Variants in GCC2 observed in about 807,000 individuals in gnomAD.
GCC2 encodes GRIP and coiled-coil domain containing 2.
GCC2 carries 120 observed loss-of-function variants against 210.6 expected under a neutral mutation model. That is an observed-to-expected ratio of 0.57 (90% CI 0.49 to 0.66). GCC2 has a LOEUF of 0.66. Among genes scored for constraint, GCC2 ranks in the 30% least tolerant of loss-of-function variants. GCC2 has a pLI of 0.00. For missense variants in GCC2, 1,868 were observed against 1,871.9 expected (o/e 1.00, Z 0.04); for synonymous variants, 703 against 652.7 (o/e 1.08, Z -1.17).
intron 4 of GCC2, among the ~76,000 whole-genome samples, chr2:108,457,217 A>G (rs1481026723): frequency 1.3e-5 from 2 of 152,030 alleles, no homozygotes; most frequent in African/African-American, 2.4e-5. Flanking sequence ...AGTTACCTGG[A>G]TTTCCTGGCA....
intron 21 of GCC2, among the ~76,000 whole-genome samples, chr2:108,498,358 G>C (rs891724612): frequency 1.2e-4 from 18 of 151,258 alleles, no homozygotes; most frequent in African/African-American, 4.1e-4. Flanking sequence ...ACCATGCCCG[G>C]CTAATTTTTT....
chr2:108,453,574 C>T (rs1255704974), intron 4 of GCC2, among the ~76,000 whole-genome samples: 1 of 152,104 alleles, frequency 6.6e-6, no homozygotes. Flanking sequence ...CACTTGAGGT[C>T]AGGAGTTTGA....
intron 17 of GCC2, among the ~76,000 whole-genome samples, 178 bp downstream of exon 17, chr2:108,487,998 C>T (rs550425179): frequency 8.6e-5 from 13 of 150,956 alleles, no homozygotes; most frequent in Non-Finnish European, 1.8e-4. Flanking sequence ...CTTCGCTTCC[C>T]GGGTTCAAGG....
Position 108,456,689 on chromosome 2 carries a change from G to T in GCC2, c.216+4223G>T, listed in dbSNP as rs550749936. On this transcript the variant is annotated intron_variant, in intron 4 of 22. Coordinates refer to ENST00000309863, the MANE Select transcript of GCC2 (RefSeq NM_181453.4). ...TCTTTTGCTATGCAGAAGCTTTTTAGCCTATAATCTCAGCATTAAGGGAAG... is the reference window on the plus strand; with the variant it reads ...TCTTTTGCTATGCAGAAGCTTTTTATCCTATAATCTCAGCATTAAGGGAAG... 9.2e-5 allele frequency among the ~76,000 whole-genome samples: 14 copies of T among 152,142 alleles called. No individual in the cohort carries two copies. In the South Asian group the frequency reaches 2.9e-3, roughly 32 times the overall value.
Position 108,509,282 on chromosome 2 carries a change from A to C in GCC2, c.*1652A>C, listed in dbSNP as rs2099607. 3.3e-5 allele frequency: 5 copies of C among 152,520 alleles called. No homozygotes were observed. The highest frequency in any genetic ancestry group is 2.6e-4 in the Admixed American group (4 of 15,252). The allele number at this position is 152,520 out of a possible 1,614,324, so 9.4% of individuals were successfully genotyped here. A position where few individuals can be genotyped will look rare whatever the true frequency, so the allele number is the denominator to read the frequency against. On this transcript the variant is annotated 3_prime_UTR_variant, in exon 23 of 23. Transcript: ENST00000309863. ...TGCTTACGAATGTCATAACAAAATA[A>C]TTTTTTGCATGATAAAAAATTACTT...
intron 4 of GCC2, among the ~76,000 whole-genome samples, chr2:108,457,126 TAA>T (rs763753266): frequency 1.9e-4 from 28 of 150,396 alleles, no homozygotes; most frequent in Non-Finnish European, 3.4e-4. Flanking sequence ...TTATATAATA[TAA>T]GTCTTTAATC....
At chr2:108,452,691 C>CTTTTTTTTTTTTTTT (rs34444254) in intron 4 of GCC2, among the ~76,000 whole-genome samples, 2 of 99,438 alleles carry the variant, frequency 2.0e-5, no homozygotes, top group African/African-American at 7.9e-5. Context: ...TTTTTTCTTT[C>CTTTTTTTTTTTTTTT]TTTTTTTTTT....
intron 9 of GCC2, among the ~76,000 whole-genome samples, chr2:108,476,098 T>A (rs1681509321): frequency 7.4e-6 from 1 of 135,450 alleles, no homozygotes; most frequent in Non-Finnish European, 1.6e-5. Flanking sequence ...TCTCTCTCTC[T>A]CGCCCAGGCT....
Position 108,470,870 on chromosome 2 carries a change from C to T in GCC2, c.1541C>T (p.Ser514Phe). Residue 514 changes from serine (S) to phenylalanine (F), a missense_variant, in exon 6 of 23, where the codon TCT becomes TTT. Ser to Phe is a radical substitution (Grantham distance 155). Around this residue, in one of 3 missense-constraint regions of GCC2, gnomAD observed 1,847 missense variants for 1,765.2 expected, o/e 1.05. Coordinates refer to ENST00000309863, the MANE Select transcript of GCC2 (RefSeq NM_181453.4). ...EFESMKQQQA[S>F]DVHELQQKLR... ...GAATCAATGAAGCAACAGCAAGCAT[C>T]TGATGTTCATGAACTGCAGCAGAAG... 1 of 1,613,712 alleles carries T rather than the reference C, an allele frequency of 6.2e-7. No individual in the cohort carries two copies.
rs1680825989 is a variant in GCC2, at chr2:108,465,367, A to G, written c.217-3613A>G. Among the ~76,000 whole-genome samples the G allele has an allele frequency of 1.3e-5, 2 of 152,118 alleles. 1 individual carries two copies. The highest frequency in any genetic ancestry group is 1.3e-4 in the Admixed American group (2 of 15,278). On this transcript the variant is annotated intron_variant, in intron 4 of 22. Transcript: ENST00000309863. ...TGATTTTTTGAAAACTTTTTATTTC[A>G]ATAGCTTTTGGGGTACAAGAGGTTT...
rs149070749 is a variant in GCC2 at position 108,470,071 on chromosome 2, C to G, written c.742C>G (p.His248Asp). 1.1e-5 allele frequency: 18 copies of G among 1,613,550 alleles called. No homozygotes were observed. Among genetic ancestry groups the G allele is most frequent in the Non-Finnish European group, 1.5e-5 (18 of 1,179,756 alleles). ...AGAGCTTTTACAGTTGAAAGCTATA[C>G]ACCAAGAAGAGGTGAAAGAGTTGAT... ...QEELLQLKAI[H>D]QEEVKELMCQ... Residue 248 changes from histidine (H) to aspartate (D), a missense_variant, in exon 6 of 23, where the codon CAC (histidine) becomes GAC (aspartate). By Grantham distance (81) the His-to-Asp change is moderately conservative (BLOSUM62 -1). Around this residue, in one of 3 missense-constraint regions of GCC2, gnomAD observed 1,847 missense variants for 1,765.2 expected, o/e 1.05. Transcript: ENST00000309863.
At chr2:108,489,034 TC>T (rs995778572) in intron 17 of GCC2, among the ~76,000 whole-genome samples, 1 of 152,208 alleles carries the variant, frequency 6.6e-6, no homozygotes, top group Non-Finnish European at 1.5e-5. Context: ...CCTTCTACTT[TC>T]TTATAATATA....
intron 4 of GCC2, among the ~76,000 whole-genome samples, chr2:108,462,288 C>T (rs1299963090): frequency 6.8e-6 from 1 of 147,280 alleles, no homozygotes; most frequent in Non-Finnish European, 1.5e-5. Context: ...GTCAGGAGAT[C>T]GACACCACCC....
intron 22 of GCC2, among the ~76,000 whole-genome samples, chr2:108,500,800 A>C (rs1682886063): frequency 6.6e-6 from 1 of 152,200 alleles, no homozygotes; most frequent in South Asian, 2.1e-4. Flanking sequence ...TGGCGTAAAT[A>C]GGGGAGAGTT....
chr2:108,455,852 A>G (rs1680247841), intron 4 of GCC2, among the ~76,000 whole-genome samples: 1 of 152,126 alleles, frequency 6.6e-6, no homozygotes, highest in African/African-American at 2.4e-5. Flanking sequence ...TGTATTTGCT[A>G]TTGTGAGTAG....
At position 108,470,886 on chromosome 2, in the gene GCC2, G is replaced by T. The variant is rs528729535; in HGVS notation, c.1557G>T (p.Leu519=). The T allele has an allele frequency of 6.2e-7, 1 of 1,613,610 alleles. No homozygotes were observed. The highest frequency in any genetic ancestry group is 2.2e-5 in the East Asian group (1 of 44,872). Residue 519 remains leucine, a synonymous_variant, in exon 6 of 23, where the codon CTG becomes CTT. Transcript: ENST00000309863. ...AGCAAGCATCTGATGTTCATGAACT[G>T]CAGCAGAAGCTCAGAACTGCTTTTA... The part of the protein sequence containing the change: ...KQQQASDVHE[L]QQKLRTAFTE...
intron 19 of GCC2, chr2:108,494,930 G>C (rs1320680480): frequency 1.3e-5 from 2 of 157,522 alleles, no homozygotes; most frequent in Non-Finnish European, 2.8e-5. Flanking sequence ...CTCTGCCTCA[G>C]CCTCCCCAGC....
chr2:108,485,691 A>G lies in GCC2; in HGVS notation c.3669A>G (p.Gln1223=). 2 of 1,599,346 alleles carry G rather than the reference A, an allele frequency of 1.3e-6. No homozygotes were observed. The highest frequency in any genetic ancestry group is 8.5e-7 in the Non-Finnish European group (1 of 1,174,246). The change falls in exon 14 of 23, where the codon CAA becomes CAG. Residue 1223 remains glutamine, a synonymous_variant. Transcript: ENST00000309863. ...AAGAAAAAAACACCAAAATCAAGCA[A>G]TTGCTTGTGAAAACCAAAAAGGAAC... ...QYEEKNTKIK[Q]LLVKTKKELA...
At chr2:108,467,651 G>T (rs2577606) in intron 4 of GCC2, among the ~76,000 whole-genome samples, 33,979 of 151,934 alleles carry the variant, frequency 0.22, 4,201 homozygotes, top group African/African-American at 0.32. Flanking sequence ...AATACAATGT[G>T]GATTAGCAGT....
Sources: allele counts gnomAD v4.1 joint callset (sites outside exome capture counted in the v4.1 genomes callset), GRCh38; gene constraint gnomAD v4.1.1; regional missense constraint gnomAD v4.1.1; transcripts MANE v1.5; gene names NCBI Gene and HGNC (gene_info 2026-07-23, HGNC 2026-07-21).